Variants in B4GALT6 observed in about 807,000 individuals in gnomAD.
B4GALT6 encodes the protein UDP-Gal:beta-GlcNAc beta-1,4-galactosyltransferase 6.
Under a neutral mutation model 46.3 loss-of-function variants are expected in B4GALT6, and 14 were observed. That is an observed-to-expected ratio of 0.30 (90% CI 0.20 to 0.47). B4GALT6 has a LOEUF of 0.47. Ranked by LOEUF, B4GALT6 falls within the 20% of genes least tolerant of loss-of-function variation. The pLI is 0.99. For synonymous variants in B4GALT6, 168 were observed against 162.0 expected (o/e 1.04, Z -0.28); for missense variants, 386 against 480.1 (o/e 0.80, Z 1.83).
chr18:31,673,773 T>G (rs1170026607), intron 1 of B4GALT6, among the ~76,000 whole-genome samples: 6 of 152,156 alleles, frequency 3.9e-5, no homozygotes, highest in African/African-American at 1.4e-4. Flanking sequence ...TCCCAGAACC[T>G]GTGAATGTGA....
chr18:31,695,696 G>A, the B4GALT6 span, among the ~76,000 whole-genome samples: 1 of 152,184 alleles, frequency 6.6e-6, no homozygotes, highest in African/African-American at 2.4e-5. Flanking sequence ...TAAGGCAAAG[G>A]TAAACACACT....
the B4GALT6 span, chr18:31,724,277 T>G: frequency 2.5e-6 from 1 of 402,526 alleles, no homozygotes; most frequent in Non-Finnish European, 4.3e-6. Flanking sequence ...CCCGGCTGCG[T>G]CTCTGGGCCC....
intron 3 of B4GALT6, among the ~76,000 whole-genome samples, chr18:31,655,223 AC>A (rs938671469): frequency 3.3e-5 from 5 of 152,166 alleles, no homozygotes; most frequent in Admixed American, 2.6e-4. Context: ...TGTTGGCTGT[AC>A]CCATGGCTCC....
rs151332256 is a variant in B4GALT6, at chr18:31,667,868, G to A, written c.116-1496C>T. 4.5e-4 allele frequency among the ~76,000 whole-genome samples: 68 copies of A among 152,034 alleles called. No individual in the cohort carries two copies. In the East Asian group the frequency reaches 9.3e-3, roughly 21 times the overall value. ...CCTGTAATTCCTGGGAGGCCGAGGC[G>A]GTTGGATCATGAGGTCAACAGATCG... On this transcript the variant is annotated intron_variant, in intron 1 of 8. Coordinates refer to ENST00000306851, the MANE Select transcript of B4GALT6 (RefSeq NM_004775.5).
At chr18:31,709,578 TGTG>T in the B4GALT6 span, among the ~76,000 whole-genome samples, 1 of 146,098 alleles carries the variant, frequency 6.8e-6, no homozygotes, top group Non-Finnish European at 1.5e-5. Flanking sequence ...TGTGTGTGTG[TGTG>T]TGTGTGTGTG....
chr18:31,684,754 A>T, upstream of B4GALT6: 1 of 1,083,078 alleles, frequency 9.2e-7, no homozygotes, highest in Non-Finnish European at 1.1e-6. Context: ...TTTCTCCGCC[A>T]AGCAGCGGCG....
the B4GALT6 span, among the ~76,000 whole-genome samples, chr18:31,721,272 A>C: frequency 6.6e-6 from 1 of 152,214 alleles, no homozygotes; most frequent in African/African-American, 2.4e-5. Flanking sequence ...CCAACATGGC[A>C]CATGTATACC....
the B4GALT6 span, among the ~76,000 whole-genome samples, chr18:31,697,224 C>T: frequency 6.6e-6 from 1 of 152,070 alleles, no homozygotes; most frequent in African/African-American, 2.4e-5. Flanking sequence ...TGAGATTGTG[C>T]CCCTGCATTC....
chr18:31,660,855 T>C (rs1371625435), intron 2 of B4GALT6, among the ~76,000 whole-genome samples: 1 of 152,126 alleles, frequency 6.6e-6, no homozygotes, highest in African/African-American at 2.4e-5. Context: ...AGATGCTCTT[T>C]GTAAAATTTA....
chr18:31,652,579 G>A (rs2074085279), intron 3 of B4GALT6, among the ~76,000 whole-genome samples: 4 of 152,074 alleles, frequency 2.6e-5, no homozygotes, highest in Admixed American at 2.6e-4. Flanking sequence ...CTTACTAAAG[G>A]CAGACCCCAA....
upstream of B4GALT6, among the ~76,000 whole-genome samples, chr18:31,690,166 G>A (rs969118419): frequency 3.9e-5 from 6 of 152,178 alleles, no homozygotes; most frequent in African/African-American, 1.4e-4. Flanking sequence ...CTCTCGCTCT[G>A]TTGTCCAGGC....
the B4GALT6 span, among the ~76,000 whole-genome samples, chr18:31,699,079 C>CAAAA: frequency 1.2e-5 from 1 of 82,300 alleles, no homozygotes; most frequent in African/African-American, 4.9e-5. Flanking sequence ...GACTCTGTCT[C>CAAAA]AAAAAAAAAA....
chr18:31,678,223 C>T (rs2074437165), intron 1 of B4GALT6, among the ~76,000 whole-genome samples: 1 of 152,130 alleles, frequency 6.6e-6, no homozygotes, highest in Non-Finnish European at 1.5e-5. Context: ...GTAATCACAG[C>T]TTTAAGAGGC....
upstream of B4GALT6, among the ~76,000 whole-genome samples, chr18:31,688,832 T>C (rs1268872254): frequency 6.6e-6 from 1 of 152,222 alleles, no homozygotes; most frequent in Non-Finnish European, 1.5e-5. Context: ...CCAGATGTTA[T>C]CAGCCTACTT....
At chr18:31,710,293 T>G in the B4GALT6 span, among the ~76,000 whole-genome samples, 1 of 152,034 alleles carries the variant, frequency 6.6e-6, no homozygotes, top group Admixed American at 6.6e-5. Context: ...AATAAGAAAT[T>G]CAGTGATCAC....
intron 3 of B4GALT6, among the ~76,000 whole-genome samples, chr18:31,652,480 C>T (rs2074084073): frequency 6.6e-6 from 1 of 152,080 alleles, no homozygotes; most frequent in Admixed American, 6.5e-5. Context: ...TTCTGTTAAC[C>T]GCCACTCACC....
the B4GALT6 span, among the ~76,000 whole-genome samples, chr18:31,707,526 G>A: frequency 6.6e-6 from 1 of 152,088 alleles, no homozygotes. Context: ...TAATTTACAA[G>A]GTAAGTTAAA....
the B4GALT6 span, chr18:31,724,465 C>G: frequency 1.3e-5 from 13 of 1,012,958 alleles, no homozygotes; most frequent in Admixed American, 1.1e-4. Context: ...CTCCCCACCC[C>G]CGGGCAGACC....
Position 31,625,412 on chromosome 18 carries a change from C to T in B4GALT6, c.*202G>A. The stretch of plus-strand genomic sequence containing the variant: ...TGGCTTCCCGTTTCTGCGGTGCTCG[C>T]CACAGGGGTGTGTCTCAGAGCAGGG... On this transcript the variant is annotated 3_prime_UTR_variant, in exon 9 of 9. Transcript: ENST00000306851. 1 of 515,380 alleles carries T rather than the reference C, an allele frequency of 1.9e-6. No individual in the cohort carries two copies. The highest frequency in any genetic ancestry group is 3.3e-6 in the Non-Finnish European group (1 of 304,970). 31.9% of individuals were successfully genotyped at this position (515,380 alleles called of 1,614,324 possible).
Sources: allele counts gnomAD v4.1 joint callset (sites outside exome capture counted in the v4.1 genomes callset), GRCh38; gene constraint gnomAD v4.1.1; transcripts MANE v1.5; gene names NCBI Gene and HGNC (gene_info 2026-07-23, HGNC 2026-07-21).